The following ITPR2 variants were observed in gnomAD, a reference collection of about 807,000 sequenced individuals.
ITPR2 encodes the protein inositol 1,4,5-trisphosphate-gated calcium channel ITPR2.
In ITPR2, 207 loss-of-function variants were observed where a neutral mutation model predicts 317.1. That is an observed-to-expected ratio of 0.65 (90% confidence interval 0.58 to 0.73). ITPR2 has a LOEUF of 0.73. Among genes scored for constraint, ITPR2 ranks in the 30% least tolerant of loss-of-function variants. ITPR2 has a pLI of 0.00. For missense variants in ITPR2, 2,613 were observed against 3,284.0 expected, an observed-to-expected ratio of 0.80 and a Z score of 4.99; for synonymous variants, 1,156 against 1,149.1, an observed-to-expected ratio of 1.01 and a Z score of -0.12.
At chr12:26,566,415 GAGA>G (rs1170621896) in intron 34 of ITPR2, among the ~76,000 whole-genome samples, 1 of 140,780 alleles carries the variant, frequency 7.1e-6, no homozygotes, top group East Asian at 2.3e-4. Context: ...AGAAGAGAAG[GAGA>G]AGGAGAGGTA....
At chr12:26,794,675 T>A (rs1227553231) in intron 1 of ITPR2, among the ~76,000 whole-genome samples, 1 of 152,258 alleles carries the variant, frequency 6.6e-6, no homozygotes, top group Non-Finnish European at 1.5e-5. Flanking sequence ...ATGACAACTA[T>A]AATCTATCAA....
rs1211598771 is a variant in ITPR2, at chr12:26,495,277, C to G, written c.5074-17G>C. The G allele has an allele frequency of 1.5e-6, 2 of 1,321,506 alleles. No individual in the cohort carries two copies. The highest frequency in any genetic ancestry group is 2.9e-5 in the African/African-American group (2 of 68,934). The allele number at this position is 1,321,506 out of a possible 1,614,324, so 81.9% of individuals were successfully genotyped here. A position where few individuals can be genotyped will look rare whatever the true frequency, so the allele number is the denominator to read the frequency against. On this transcript the variant is annotated splice_polypyrimidine_tract_variant and intron_variant, in intron 37 of 56. Coordinates refer to ENST00000381340, the MANE Select transcript of ITPR2 (RefSeq NM_002223.4). The stretch of plus-strand genomic sequence containing the variant: ...TGTGTTACCCTAATAAGAAGGATAA[C>G]AAAGAGTTACTGTTCCCTTTTCTAA...
At position 26,628,212 on chromosome 12, in the gene ITPR2, T is replaced by A. The variant is rs1222710809; in HGVS notation, c.2935-50A>T. On this transcript the variant is annotated intron_variant, in intron 22 of 56. Coordinates refer to ENST00000381340, the MANE Select transcript of ITPR2 (RefSeq NM_002223.4). ...TAAATTTCTTTCATTAGCATAGTAT[T>A]TAAAAATGCAATTCACAACACACCA... 2.8e-6 allele frequency: 4 copies of A among 1,449,892 alleles called. No individual in the cohort carries two copies. The African/African-American group carries it at 4.3e-5, about 15-fold the overall frequency. The allele number at this position is 1,449,892 out of a possible 1,614,324, so 89.8% of individuals were successfully genotyped here.
At chr12:26,507,849 T>TTCTCTCTCTC (rs765290686) in intron 37 of ITPR2, among the ~76,000 whole-genome samples, 1 of 115,426 alleles carries the variant, frequency 8.7e-6, no homozygotes, top group Non-Finnish European at 2.1e-5. Flanking sequence ...CTCTCTACTC[T>TTCTCTCTCTC]TCTCTCTCTG....
intron 1 of ITPR2, among the ~76,000 whole-genome samples, chr12:26,812,898 T>G (rs192424254): frequency 6.2e-4 from 95 of 152,378 alleles, no homozygotes; most frequent in Middle Eastern, 3.4e-3. Flanking sequence ...ATGATTTGAC[T>G]TTAACTTTGA....
At chr12:26,826,561 G>A (rs1053021004) in intron 1 of ITPR2, among the ~76,000 whole-genome samples, 3 of 151,974 alleles carry the variant, frequency 2.0e-5, no homozygotes, top group Non-Finnish European at 4.4e-5. Context: ...AAAAATAAGG[G>A]CTCCAATCCT....
intron 37 of ITPR2, among the ~76,000 whole-genome samples, chr12:26,515,049 T>A (rs1455134664): frequency 6.6e-6 from 1 of 152,122 alleles, no homozygotes; most frequent in Non-Finnish European, 1.5e-5. Context: ...AATTTCTACC[T>A]CAGTAGCAAA....
intron 34 of ITPR2, among the ~76,000 whole-genome samples, chr12:26,566,937 T>C (rs1360041321): frequency 6.6e-6 from 1 of 152,206 alleles, no homozygotes; most frequent in Non-Finnish European, 1.5e-5. Flanking sequence ...TTTCATCCTT[T>C]TCTGGCTGCT....
chr12:26,641,732 T>C (rs1217185141), intron 21 of ITPR2, among the ~76,000 whole-genome samples: 6 of 152,166 alleles, frequency 3.9e-5, no homozygotes, highest in African/African-American at 1.4e-4. Context: ...ATCCGTTACA[T>C]AGTTATTCTC....
intron 2 of ITPR2, among the ~76,000 whole-genome samples, chr12:26,752,500 T>C (rs765542256): frequency 7.2e-5 from 11 of 152,148 alleles, no homozygotes; most frequent in Non-Finnish European, 1.2e-4. Flanking sequence ...CTTCCACCAG[T>C]GCCATGGTAG....
intron 45 of ITPR2, among the ~76,000 whole-genome samples, chr12:26,454,434 T>C (rs866168855): frequency 2.0e-5 from 3 of 152,126 alleles, no homozygotes; most frequent in African/African-American, 7.2e-5. Context: ...TCGAGATCTC[T>C]TGACCTTGTG....
chr12:26,613,591 G>C (rs1946317958), intron 26 of ITPR2, among the ~76,000 whole-genome samples: 1 of 147,046 alleles, frequency 6.8e-6, no homozygotes, highest in South Asian at 2.2e-4. Context: ...CACACACACG[G>C]CAAAAAGGAA....
intron 26 of ITPR2, among the ~76,000 whole-genome samples, chr12:26,613,183 C>G (rs1366150730): frequency 6.6e-6 from 1 of 152,150 alleles, no homozygotes; most frequent in East Asian, 1.9e-4. Flanking sequence ...GAAATGTACA[C>G]TTTACACAGC....
intron 42 of ITPR2, among the ~76,000 whole-genome samples, chr12:26,481,933 G>A (rs1942553150): frequency 1.3e-5 from 2 of 152,180 alleles, no homozygotes. Flanking sequence ...GGTTAAGATC[G>A]ACCATGCTGG....
At chr12:26,655,088 T>C (rs1211068306) in intron 20 of ITPR2, among the ~76,000 whole-genome samples, 2 of 152,188 alleles carry the variant, frequency 1.3e-5, no homozygotes, top group African/African-American at 2.4e-5. Context: ...GTTTTGTCAC[T>C]ACATCCCCAA....
At position 26,715,852 on chromosome 12, in the gene ITPR2, G is replaced by A. The variant is rs148182988; in HGVS notation, c.625-17C>T. On this transcript the variant is annotated splice_polypyrimidine_tract_variant and intron_variant, in intron 6 of 56. Coordinates refer to ENST00000381340, the MANE Select transcript of ITPR2 (RefSeq NM_002223.4). ...AGCATTCACCTATTAATGAAGAAAC[G>A]TTCAAAGTTATAAGACTACAGATTC... 5,354 of 1,538,918 alleles carry A rather than the reference G, an allele frequency of 3.5e-3. 14 individuals are homozygous for A. Among genetic ancestry groups the A allele is most frequent in the Non-Finnish European group, 4.3e-3 (4,758 of 1,113,472 alleles).
In ITPR2 at chr12:26,832,852, G is replaced by A. The variant is rs1951140473; in HGVS notation, c.-71C>T. On this transcript the variant is annotated 5_prime_UTR_variant, in exon 1 of 57. Coordinates refer to ENST00000381340, the MANE Select transcript of ITPR2 (RefSeq NM_002223.4). ...CTCGCCGCCCTCTCTCCAGGGAGCC[G>A]CCGCGGCAGAAGCGGATCGGATCGC... 11 of 1,229,760 alleles carry A rather than the reference G, an allele frequency of 8.9e-6. No individual in the cohort carries two copies. The highest frequency in any genetic ancestry group is 2.6e-5 in the East Asian group (1 of 38,638). The allele number at this position is 1,229,760 out of a possible 1,614,324, so 76.2% of individuals were successfully genotyped here.
intron 55 of ITPR2, among the ~76,000 whole-genome samples, chr12:26,360,512 G>T (rs1938792639): frequency 6.6e-6 from 1 of 152,192 alleles, no homozygotes; most frequent in African/African-American, 2.4e-5. Flanking sequence ...ATTACAGGAG[G>T]TGTCTACAGC....
At chr12:26,498,128 TAGAC>T (rs1259273389) in intron 37 of ITPR2, among the ~76,000 whole-genome samples, 3 of 152,242 alleles carry the variant, frequency 2.0e-5, no homozygotes, top group Non-Finnish European at 2.9e-5. Flanking sequence ...TCTTAGAACA[TAGAC>T]AGTTATTATT....
Sources: allele counts gnomAD v4.1 joint callset (sites outside exome capture counted in the v4.1 genomes callset), GRCh38; gene constraint gnomAD v4.1.1; transcripts MANE v1.5; gene names NCBI Gene and HGNC (gene_info 2026-07-23, HGNC 2026-07-21).